Variants in ACMSD observed in about 807,000 individuals in gnomAD.
The protein encoded by ACMSD is aminocarboxymuconate semialdehyde decarboxylase.
A neutral mutation model predicts 45.9 loss-of-function variants in ACMSD; 37 were observed. That is an observed-to-expected ratio of 0.81 (90% confidence interval 0.62 to 1.06). The LOEUF is 1.06. ACMSD is among the 50% of genes least tolerant of loss of function. The pLI is 0.00. For synonymous variants in ACMSD, 138 were observed against 148.8 expected (o/e 0.93, Z 0.53); for missense variants, 434 against 420.9 (o/e 1.03, Z -0.27).
chr2:134,867,155 CA>C (rs1331649633), intron 5 of ACMSD, among the ~76,000 whole-genome samples: 2 of 152,224 alleles, frequency 1.3e-5, no homozygotes, highest in Non-Finnish European at 2.9e-5. Flanking sequence ...TCCAAGGATA[CA>C]ATCTCAGCAG....
chr2:134,859,321 G>C lies in ACMSD; in HGVS notation c.163G>C (p.Asp55His), dbSNP rs117363436. The change falls in exon 3 of 10, where the codon GAT (aspartate) becomes CAT (histidine). Residue 55 changes from aspartate to histidine, a missense_variant. Physicochemically the swap from Asp to His is moderately conservative, Grantham distance 81 (BLOSUM62 -1). Coordinates refer to ENST00000356140, the MANE Select transcript of ACMSD (RefSeq NM_138326.3). ...CAGAGTGGTGCGAGAGAATTGCTGGGATCCAGAAGTTCGTATTAGAGAAAT... is the reference window on the plus strand; with the variant it reads ...CAGAGTGGTGCGAGAGAATTGCTGGCATCCAGAAGTTCGTATTAGAGAAAT... ...VFRVVRENCWDPEVRIREMDQ... is the reference protein window; with the variant it reads ...VFRVVRENCWHPEVRIREMDQ... 685 of 1,614,050 alleles carry C rather than the reference G, an allele frequency of 4.2e-4. 3 individuals are homozygous for C. In the East Asian group the frequency reaches 0.014, roughly 34 times the overall value.
chr2:134,849,994 A>C (rs1687256240), intron 2 of ACMSD, among the ~76,000 whole-genome samples: 1 of 150,250 alleles, frequency 6.7e-6, no homozygotes, highest in Non-Finnish European at 1.5e-5. Flanking sequence ...ACACACACAC[A>C]CACACGTGAA....
intron 8 of ACMSD, among the ~76,000 whole-genome samples, chr2:134,875,128 G>A (rs775326754): frequency 7.2e-5 from 11 of 152,028 alleles, no homozygotes; most frequent in Admixed American, 2.6e-4. Flanking sequence ...AGCCTCCCAA[G>A]TAGCTAGGAC....
intron 1 of ACMSD, among the ~76,000 whole-genome samples, chr2:134,842,684 C>A (rs1686860651): frequency 6.6e-6 from 1 of 152,146 alleles, no homozygotes; most frequent in Admixed American, 6.5e-5. Flanking sequence ...TGTCCACTGG[C>A]CAGGCCTGGT....
At chr2:134,854,225 C>A (rs187857704) in intron 2 of ACMSD, among the ~76,000 whole-genome samples, 55 of 152,324 alleles carry the variant, frequency 3.6e-4, no homozygotes, top group South Asian at 1.2e-3. Context: ...ATTGAGCATG[C>A]TCTCTGGCCT....
At chr2:134,872,258 G>A (rs1158308728) in intron 7 of ACMSD, among the ~76,000 whole-genome samples, 2 of 152,136 alleles carry the variant, frequency 1.3e-5, no homozygotes, top group East Asian at 3.9e-4. Flanking sequence ...TGCCTGGCCT[G>A]TCTTCTCTCT....
At chr2:134,859,561 T>C (rs1288948114) in intron 3 of ACMSD, 14 of 473,572 alleles carry the variant, frequency 3.0e-5, no homozygotes, top group Admixed American at 3.5e-5. Flanking sequence ...ATATGAGTTA[T>C]ACCCTGTTTT....
At chr2:134,886,712 G>A (rs568406783) in intron 8 of ACMSD, among the ~76,000 whole-genome samples, 4 of 152,108 alleles carry the variant, frequency 2.6e-5, no homozygotes, top group African/African-American at 7.2e-5. Flanking sequence ...CCACCCTCAC[G>A]CCTTCCAATC....
At chr2:134,887,418 T>C (rs1232529301) in intron 8 of ACMSD, among the ~76,000 whole-genome samples, 1 of 152,246 alleles carries the variant, frequency 6.6e-6, no homozygotes, top group Non-Finnish European at 1.5e-5. Context: ...CTTTCTTTCT[T>C]TCTGAGACAG....
intron 1 of ACMSD, among the ~76,000 whole-genome samples, chr2:134,842,223 C>T (rs1404916314): frequency 6.6e-6 from 1 of 152,150 alleles, no homozygotes; most frequent in East Asian, 1.9e-4. Flanking sequence ...AGACTCCAGG[C>T]TCGGCTCAAC....
At chr2:134,884,986 A>C (rs1436067929) in intron 8 of ACMSD, among the ~76,000 whole-genome samples, 2 of 151,554 alleles carry the variant, frequency 1.3e-5, no homozygotes. Flanking sequence ...ACTTGAGCTC[A>C]GGAGTTTGAG....
chr2:134,847,127 T>C (rs1301094906), intron 2 of ACMSD, among the ~76,000 whole-genome samples: 1 of 152,132 alleles, frequency 6.6e-6, no homozygotes, highest in Admixed American at 6.6e-5. Context: ...CAGGGCACGC[T>C]AAAGAGTCTG....
chr2:134,886,902 G>T (rs1260560180), intron 8 of ACMSD, among the ~76,000 whole-genome samples: 3 of 152,100 alleles, frequency 2.0e-5, no homozygotes, highest in African/African-American at 4.8e-5. Flanking sequence ...AAGATTGCAG[G>T]ACATAACGGC....
chr2:134,892,292 T>C (rs1439891161), intron 8 of ACMSD, among the ~76,000 whole-genome samples: 1 of 151,548 alleles, frequency 6.6e-6, no homozygotes, highest in Non-Finnish European at 1.5e-5. Context: ...CAGCAGAAAA[T>C]AAGATGACAT....
chr2:134,895,077 G>A (rs908226190), intron 8 of ACMSD, among the ~76,000 whole-genome samples: 10 of 151,768 alleles, frequency 6.6e-5, no homozygotes, highest in African/African-American at 1.7e-4. Context: ...AGGCCAAGGC[G>A]GGTGGATCAT....
At chr2:134,871,565 C>T (rs558819868) in intron 7 of ACMSD, among the ~76,000 whole-genome samples, 1 of 149,290 alleles carries the variant, frequency 6.7e-6, no homozygotes, top group African/African-American at 2.5e-5. Flanking sequence ...ATCATGAGCT[C>T]TCCAGTCTAC....
intron 5 of ACMSD, among the ~76,000 whole-genome samples, chr2:134,866,049 A>G (rs1410118118): frequency 2.6e-5 from 4 of 152,212 alleles, no homozygotes; most frequent in Non-Finnish European, 5.9e-5. Flanking sequence ...TTGTGAGAGT[A>G]TAACTTCTTT....
chr2:134,889,183 A>AG (rs1215623901), intron 8 of ACMSD, among the ~76,000 whole-genome samples: 4 of 152,206 alleles, frequency 2.6e-5, no homozygotes. Context: ...AGTAGGAAGA[A>AG]GATGAGAAGG....
chr2:134,849,330 TC>T (rs534589062), intron 2 of ACMSD, among the ~76,000 whole-genome samples: 147 of 152,104 alleles, frequency 9.7e-4, no homozygotes, highest in African/African-American at 3.4e-3. Context: ...AGTAACACAC[TC>T]CCTCTCTCTC....
Sources: gnomAD v4.1 joint callset for allele counts (sites outside exome capture counted in the v4.1 genomes callset) on GRCh38, gnomAD v4.1.1 for gene constraint, MANE v1.5 for transcripts, NCBI Gene and HGNC (gene_info 2026-07-23, HGNC 2026-07-21) for gene names.